Variants in OSGEPL1 observed in about 807,000 individuals in gnomAD.
OSGEPL1 encodes the protein O-sialoglycoprotein endopeptidase like 1.
In OSGEPL1, 26 loss-of-function variants were observed where a neutral mutation model predicts 37.2. The ratio of observed to expected loss-of-function variants is 0.70; its 90% confidence interval spans 0.51 to 0.97. The LOEUF (loss-of-function observed/expected upper bound fraction) is 0.97. OSGEPL1 is among the 50% of genes least tolerant of loss of function. The pLI, the probability that OSGEPL1 is intolerant of heterozygous loss-of-function variation, is 0.00. For missense variants in OSGEPL1, 404 were observed against 487.0 expected (o/e 0.83, Z 1.60); for synonymous variants, 140 against 159.9 (o/e 0.88, Z 0.94).
intron 1 of OSGEPL1, 108 bp from the exon 2 acceptor site, chr2:189,761,768 A>G: frequency 2.7e-6 from 3 of 1,113,720 alleles, no homozygotes; most frequent in Non-Finnish European, 3.7e-6. Context: ...AAAGTCACCA[A>G]AAGTTTGTAA....
chr2:189,757,758 C>T (rs1048165874), intron 2 of OSGEPL1, among the ~76,000 whole-genome samples: 1 of 152,130 alleles, frequency 6.6e-6, no homozygotes. Flanking sequence ...TCCCAAATGC[C>T]CTAAGTATTG....
At chr2:189,749,129 C>T (rs2044648320) in intron 8 of OSGEPL1, among the ~76,000 whole-genome samples, 1 of 150,914 alleles carries the variant, frequency 6.6e-6, no homozygotes, top group Non-Finnish European at 1.5e-5. Flanking sequence ...GCCTGTAGTC[C>T]CAGCTACTCG....
At chr2:189,751,291 A>G (rs1276799990) in intron 7 of OSGEPL1, among the ~76,000 whole-genome samples, 1 of 152,182 alleles carries the variant, frequency 6.6e-6, no homozygotes, top group Non-Finnish European at 1.5e-5. Context: ...AAGGGGGCAT[A>G]ACTGAATCAG....
At chr2:189,758,322 G>C (rs1045703241) in intron 2 of OSGEPL1, among the ~76,000 whole-genome samples, 1 of 152,006 alleles carries the variant, frequency 6.6e-6, no homozygotes, top group African/African-American at 2.4e-5. Flanking sequence ...CGGAGGTTGT[G>C]ATGAGCCAAG....
intron 5 of OSGEPL1, 103 bp from the exon 6 acceptor site, chr2:189,753,082 T>C (rs1030620513): frequency 3.8e-5 from 43 of 1,138,906 alleles, no homozygotes; most frequent in Non-Finnish European, 4.3e-5. Flanking sequence ...TAATAAACTA[T>C]CCCATTTTGA....
In OSGEPL1 at chr2:189,761,533, A is replaced by C; in HGVS notation, c.108T>G (p.His36Gln). The C allele has an allele frequency of 6.2e-7, 1 of 1,612,430 alleles. No individual in the cohort carries two copies. Among genetic ancestry groups the C allele is most frequent in the Non-Finnish European group, 8.5e-7 (1 of 1,179,286 alleles). The change falls in exon 2 of 9, where the codon CAT becomes CAG. Residue 36 changes from histidine to glutamine, a missense_variant. By Grantham distance (24) the His-to-Gln change is conservative. Coordinates refer to ENST00000264151, the MANE Select transcript of OSGEPL1 (RefSeq NM_022353.3). ...FNFHPGTLFL[H>Q]KIVLGIETSC... ...TAGTTTCAATTCCCAATACTATTTT[A>C]TGAAGAAATAGTGTTCCAGGATGAA...
intron 2 of OSGEPL1, among the ~76,000 whole-genome samples, chr2:189,757,088 T>A (rs1162568086): frequency 6.6e-6 from 1 of 152,200 alleles, no homozygotes; most frequent in South Asian, 2.1e-4. Flanking sequence ...TTTTTGTCTA[T>A]GATTTGTAGA....
chr2:189,746,705 T>A lies in OSGEPL1; in HGVS notation c.*492A>T. ...ATTTTTAATAATGGTAATATGCAAA[T>A]AACATAACTGAATAATCTTTTTGAA... is the stretch of plus-strand genomic sequence containing the variant. On this transcript the variant is annotated 3_prime_UTR_variant, in exon 9 of 9. Coordinates refer to ENST00000264151, the MANE Select transcript of OSGEPL1 (RefSeq NM_022353.3). 7.4e-7 allele frequency: 1 copy of A among 1,359,924 alleles called. No homozygotes were observed. Among genetic ancestry groups the A allele is most frequent in the Non-Finnish European group, 9.8e-7 (1 of 1,021,662 alleles). The allele number at this position is 1,359,924 out of a possible 1,614,324, so 84.2% of individuals were successfully genotyped here.
chr2:189,758,654 C>T (rs1050292061), intron 2 of OSGEPL1, among the ~76,000 whole-genome samples: 2 of 152,216 alleles, frequency 1.3e-5, no homozygotes, highest in Non-Finnish European at 2.9e-5. Flanking sequence ...TCTCCATTCA[C>T]TGAAGGCCTA....
chr2:189,756,685 T>A (rs114115482), intron 2 of OSGEPL1, among the ~76,000 whole-genome samples: 5,185 of 152,262 alleles, frequency 0.034, 105 homozygotes, highest in South Asian at 0.07. Flanking sequence ...CATCTTTACT[T>A]CCTTTCTCTC....
intron 8 of OSGEPL1, among the ~76,000 whole-genome samples, chr2:189,749,244 TAAA>T (rs397987026): frequency 1.6e-5 from 1 of 63,266 alleles, no homozygotes; most frequent in African/African-American, 6.5e-5. Flanking sequence ...AGACTCTGTC[TAAA>T]AAAAAAAAAA....
In OSGEPL1 at chr2:189,753,124, A is replaced by C. The variant is rs1253007420; in HGVS notation, c.964-145T>G. 1.1e-5 allele frequency: 7 copies of C among 623,352 alleles called. No individual in the cohort carries two copies. The Admixed American group carries it at 2.3e-4, about 20-fold the overall frequency. The allele number at this position is 623,352 out of a possible 1,614,324, so 38.6% of individuals were successfully genotyped here. On this transcript the variant is annotated intron_variant, in intron 5 of 8. Transcript: ENST00000264151. ...TAATGGGCAGATGACATATCTATGT[A>C]ATAAAAATTTGGAAAGAAAAAAATT...
chr2:189,762,880 G>C, upstream of OSGEPL1: 1 of 985,432 alleles, frequency 1.0e-6, no homozygotes, highest in South Asian at 4.7e-5. Context: ...CTTAAAGGCC[G>C]TCTTTGCCCA....
chr2:189,758,045 G>C (rs1194169221), intron 2 of OSGEPL1, among the ~76,000 whole-genome samples: 1 of 152,130 alleles, frequency 6.6e-6, no homozygotes, highest in East Asian at 1.9e-4. Flanking sequence ...TTTCCCCTTG[G>C]TACTGTGTCG....
In OSGEPL1 at chr2:189,746,847, C is replaced by T. The variant is rs1472076656; in HGVS notation, c.*350G>A. On this transcript the variant is annotated 3_prime_UTR_variant, in exon 9 of 9. Transcript: ENST00000264151. ...GGATTTCTGTAAACAAAGGCCTGCACTTAAACCTTAAAATTTATTGACTGA... is the reference window on the plus strand; with the variant it reads ...GGATTTCTGTAAACAAAGGCCTGCATTTAAACCTTAAAATTTATTGACTGA... 2.6e-6 allele frequency: 1 copy of T among 387,046 alleles called. No homozygotes were observed. Among genetic ancestry groups the T allele is most frequent in the Non-Finnish European group, 4.5e-6 (1 of 222,356 alleles). 24.0% of individuals were successfully genotyped at this position (387,046 alleles called of 1,614,324 possible). A position where few individuals can be genotyped will look rare whatever the true frequency, so the allele number is the denominator to read the frequency against.
intron 5 of OSGEPL1, among the ~76,000 whole-genome samples, chr2:189,753,468 G>A (rs545061346): frequency 6.7e-4 from 102 of 152,092 alleles, no homozygotes; most frequent in African/African-American, 2.4e-3. Flanking sequence ...GATTTTGGCT[G>A]GTACAATATA....
intron 8 of OSGEPL1, among the ~76,000 whole-genome samples, chr2:189,749,244 TA>T (rs397987026): frequency 2.6e-3 from 165 of 63,260 alleles, no homozygotes; most frequent in African/African-American, 8.1e-3. Flanking sequence ...AGACTCTGTC[TA>T]AAAAAAAAAA....
intron 7 of OSGEPL1, among the ~76,000 whole-genome samples, chr2:189,751,445 T>G (rs1039798144): frequency 1.3e-4 from 8 of 63,578 alleles, no homozygotes; most frequent in East Asian, 1.2e-3. Flanking sequence ...ACAAGTTGTG[T>G]TTTTTTTTTT....
At chr2:189,750,834 C>G (rs533588124) in intron 7 of OSGEPL1, among the ~76,000 whole-genome samples, 178 bp from the exon 8 acceptor site, 3 of 152,186 alleles carry the variant, frequency 2.0e-5, no homozygotes, top group African/African-American at 7.2e-5. Flanking sequence ...ATAATGAAAG[C>G]TAGTCTCATT....
Sources: gnomAD v4.1 joint callset for allele counts (sites outside exome capture counted in the v4.1 genomes callset) on GRCh38, gnomAD v4.1.1 for gene constraint, MANE v1.5 for transcripts, NCBI Gene and HGNC (gene_info 2026-07-23, HGNC 2026-07-21) for gene names.